The following FBXO10 variants were observed in gnomAD, a reference collection of about 807,000 sequenced individuals.
FBXO10 encodes the protein F-box only protein 10.
Under a neutral mutation model 80.7 loss-of-function variants are expected in FBXO10, and 39 were observed. The ratio of observed to expected loss-of-function variants is 0.48; its 90% CI spans 0.37 to 0.63. The LOEUF (loss-of-function observed/expected upper bound fraction) is 0.63. Ranked by LOEUF, FBXO10 falls within the 30% of genes least tolerant of loss-of-function variation. FBXO10 has a pLI of 0.00. For missense variants in FBXO10, 1,025 were observed against 1,269.0 expected (o/e 0.81, Z 2.92); for synonymous variants, 449 against 489.6 (o/e 0.92, Z 1.09).
chr9:37,544,350 T>C (rs1341424931), intron 1 of FBXO10, among the ~76,000 whole-genome samples: 2 of 151,984 alleles, frequency 1.3e-5, no homozygotes, highest in East Asian at 1.9e-4. Flanking sequence ...GGAGAATCAT[T>C]TGGACCTGGG....
intron 8 of FBXO10, among the ~76,000 whole-genome samples, chr9:37,519,101 T>TGG (rs1821262001): frequency 1.3e-5 from 2 of 151,988 alleles, no homozygotes; most frequent in Admixed American, 6.6e-5. Context: ...AGTAGAGACA[T>TGG]GGTTTCACCG....
At chr9:37,531,795 C>G (rs1248553940) in intron 4 of FBXO10, 114 bp downstream of exon 4, 7 of 1,126,994 alleles carry the variant, frequency 6.2e-6, no homozygotes, top group Non-Finnish European at 9.0e-6. Flanking sequence ...AGAGCAGGAG[C>G]CACCTGCAAA....
chr9:37,547,594 G>C (rs1239237269), intron 1 of FBXO10, among the ~76,000 whole-genome samples: 1 of 152,106 alleles, frequency 6.6e-6, no homozygotes, highest in Non-Finnish European at 1.5e-5. Context: ...TTGGGTGACA[G>C]AGCAAGACTC....
intron 1 of FBXO10, among the ~76,000 whole-genome samples, chr9:37,552,263 T>G (rs1337437052): frequency 6.6e-6 from 1 of 152,208 alleles, no homozygotes; most frequent in East Asian, 1.9e-4. Context: ...CATTATCCGT[T>G]TCCAAGTTGC....
intron 1 of FBXO10, among the ~76,000 whole-genome samples, chr9:37,572,258 T>G (rs1054348901): frequency 6.6e-6 from 1 of 152,186 alleles, no homozygotes; most frequent in Non-Finnish European, 1.5e-5. Context: ...TTTGCCAGGA[T>G]ATGAAGCAAC....
chr9:37,517,565 G>A (rs1821217293), intron 9 of FBXO10, among the ~76,000 whole-genome samples: 1 of 151,938 alleles, frequency 6.6e-6, no homozygotes, highest in Admixed American at 6.6e-5. Context: ...GCTCTGTGAG[G>A]TATGTGTGGA....
At chr9:37,558,888 G>A (rs1015747149) in intron 1 of FBXO10, among the ~76,000 whole-genome samples, 4 of 150,998 alleles carry the variant, frequency 2.6e-5, no homozygotes, top group African/African-American at 7.3e-5. Context: ...TCAGCTCACC[G>A]CAACCTCCAC....
intron 6 of FBXO10, 79 bp from the exon 7 acceptor site, chr9:37,523,056 A>T (rs745960868): frequency 1.3e-6 from 2 of 1,515,790 alleles, no homozygotes; most frequent in Non-Finnish European, 1.8e-6. Flanking sequence ...GACAGTTTTG[A>T]TCAAGGCTAC....
chr9:37,524,969 G>A, intron 6 of FBXO10, 133 bp downstream of exon 6: 1 of 750,116 alleles, frequency 1.3e-6, no homozygotes, highest in Non-Finnish European at 2.1e-6. Context: ...GCGTCCCTGA[G>A]CTCCAGCCCA....
In FBXO10 at chr9:37,518,233, GT is replaced by G. The variant is rs1223184428; in HGVS notation, c.2405del (p.Asn802ThrfsTer38). ...CCTTGGTGATAATGCCGTGGCCTCT[GT>G]TGTCATAGATACCATTGCCCCGGAG... ...VELRGNGIYDNRGHGIITKGD... is the reference protein window; with the variant it reads ...VELRGNGIYDXRGHGIITKGD... On this transcript the variant is annotated frameshift_variant, in exon 9 of 11. Coordinates refer to ENST00000432825, the MANE Select transcript of FBXO10 (RefSeq NM_012166.3). LOFTEE classifies it high-confidence loss of function. The G allele has an allele frequency of 6.2e-7, 1 of 1,614,082 alleles. No individual in the cohort carries two copies. Among genetic ancestry groups the G allele is most frequent in the Admixed American group, 1.7e-5 (1 of 60,034 alleles).
chr9:37,529,379 G>C (rs1821559741), intron 4 of FBXO10, 119 bp from the exon 5 acceptor site: 1 of 1,105,914 alleles, frequency 9.0e-7, no homozygotes, highest in Non-Finnish European at 1.3e-6. Flanking sequence ...TGACGTCACT[G>C]TAAGAGCCCT....
intron 1 of FBXO10, among the ~76,000 whole-genome samples, chr9:37,552,853 C>A (rs1305067832): frequency 6.6e-6 from 1 of 152,170 alleles, no homozygotes; most frequent in Non-Finnish European, 1.5e-5. Flanking sequence ...TGTCTGCACA[C>A]TGCAGAAGGA....
intron 1 of FBXO10, among the ~76,000 whole-genome samples, chr9:37,546,539 T>G (rs1182900368): frequency 6.6e-6 from 1 of 152,168 alleles, no homozygotes; most frequent in Non-Finnish European, 1.5e-5. Context: ...TAAGCCTTAT[T>G]ATGTAACAGG....
chr9:37,536,520 G>A (rs747846115), intron 3 of FBXO10, among the ~76,000 whole-genome samples: 2 of 152,130 alleles, frequency 1.3e-5, no homozygotes, highest in African/African-American at 2.4e-5. Flanking sequence ...GGGATTCCAG[G>A]TCTGGGTAAG....
At chr9:37,536,918 C>G (rs1821780561) in intron 3 of FBXO10, among the ~76,000 whole-genome samples, 192 bp downstream of exon 3, 2 of 152,176 alleles carry the variant, frequency 1.3e-5, no homozygotes, top group African/African-American at 2.4e-5. Context: ...GCCACGTTCT[C>G]TCTCTGGGCC....
intron 5 of FBXO10, 29 bp downstream of exon 5, chr9:37,529,095 A>C: frequency 6.2e-7 from 1 of 1,613,364 alleles, no homozygotes; most frequent in Non-Finnish European, 8.5e-7. Context: ...AGGTTAACAA[A>C]GATGAAGGAG....
chr9:37,523,866 G>A (rs548971933), intron 6 of FBXO10, among the ~76,000 whole-genome samples: 5 of 152,322 alleles, frequency 3.3e-5, no homozygotes, highest in African/African-American at 9.6e-5. Context: ...GCAGTGAGCC[G>A]AGATCGCGCC....
At chr9:37,561,140 T>G (rs1395516425) in intron 1 of FBXO10, among the ~76,000 whole-genome samples, 2 of 147,612 alleles carry the variant, frequency 1.4e-5, no homozygotes, top group Non-Finnish European at 3.0e-5. Context: ...AGACTCCGTC[T>G]CAAAAAAACA....
intron 6 of FBXO10, among the ~76,000 whole-genome samples, chr9:37,524,232 C>A (rs112659806): frequency 8.5e-5 from 13 of 152,254 alleles, no homozygotes; most frequent in African/African-American, 2.9e-4. Context: ...GAGGGCTGCC[C>A]TGACCACACA....
Sources: gnomAD v4.1 joint callset for allele counts (sites outside exome capture counted in the v4.1 genomes callset) on GRCh38, gnomAD v4.1.1 for gene constraint, MANE v1.5 for transcripts, NCBI Gene and HGNC (gene_info 2026-07-23, HGNC 2026-07-21) for gene names.